Variants in TIPIN observed in about 807,000 individuals in gnomAD.
TIPIN encodes the protein TIMELESS interacting protein, also known as TIMELESS-interacting protein.
In TIPIN, 29 loss-of-function variants were observed where a neutral mutation model predicts 35.6. The ratio of observed to expected loss-of-function variants is 0.82; its 90% confidence interval spans 0.61 to 1.11. TIPIN has a LOEUF of 1.11. TIPIN is among the 50% of genes most tolerant of loss of function. The pLI is 0.00. For synonymous variants in TIPIN, 102 were observed against 121.5 expected, an observed-to-expected ratio of 0.84 and a Z score of 1.06; for missense variants, 296 against 345.4, an observed-to-expected ratio of 0.86 and a Z score of 1.13.
At chr15:66,374,787 GC>G (rs1466870685) in intron 1 of TIPIN, among the ~76,000 whole-genome samples, 1 of 152,080 alleles carries the variant, frequency 6.6e-6, no homozygotes, top group African/African-American at 2.4e-5. Context: ...TCACCATATT[GC>G]CCAGGCTGGT....
intron 7 of TIPIN, among the ~76,000 whole-genome samples, chr15:66,338,991 C>T (rs989727035): frequency 6.7e-6 from 1 of 150,236 alleles, no homozygotes; most frequent in Non-Finnish European, 1.5e-5. Context: ...ATTAGCCAGG[C>T]ATGGGGGCAC....
chr15:66,378,187 G>C (rs1422800180), intron 1 of TIPIN, among the ~76,000 whole-genome samples: 2 of 152,172 alleles, frequency 1.3e-5, no homozygotes, highest in Non-Finnish European at 2.9e-5. Context: ...ATTTTTAGTA[G>C]AGACAGGGTT....
At chr15:66,356,714 T>C (rs2093206565), upstream of TIPIN, 1 of 985,406 alleles carries the variant, frequency 1.0e-6, no homozygotes, top group Non-Finnish European at 1.2e-6. Context: ...ACTCGGGAAC[T>C]CCTGGGGCGA....
At chr15:66,374,609 C>T (rs182316531) in intron 1 of TIPIN, among the ~76,000 whole-genome samples, 25 of 151,634 alleles carry the variant, frequency 1.6e-4, no homozygotes, top group South Asian at 4.2e-4. Context: ...GATGGAGTTT[C>T]GTTCTTGTTG....
At chr15:66,371,459 T>TG in intron 1 of TIPIN, 1 of 879,364 alleles carries the variant, frequency 1.1e-6, no homozygotes, top group South Asian at 5.2e-5. Context: ...CTTTATTTTC[T>TG]GGGAAAAAAA....
At position 66,352,164 on chromosome 15, in the gene TIPIN, T is replaced by G. The variant is rs137903222; in HGVS notation, c.177A>C (p.Thr59=). The change falls in exon 3 of 8, where the codon ACA becomes ACC. Residue 59 remains threonine (T), a synonymous_variant. Transcript: ENST00000261881. ...CCAGCTTGGGTATATTTCTTTTAACTGTTCTCTTTGGAGGTACACGAACAG... is the reference window on the plus strand; with the variant it reads ...CCAGCTTGGGTATATTTCTTTTAACGGTTCTCTTTGGAGGTACACGAACAG... ...GAPVRVPPKR[T]VKRNIPKLDA... The G allele has an allele frequency of 3.2e-3, 5,159 of 1,611,030 alleles. 6 individuals are homozygous for G. Among genetic ancestry groups the G allele is most frequent in the Non-Finnish European group, 3.8e-3 (4,505 of 1,178,464 alleles).
upstream of TIPIN, among the ~76,000 whole-genome samples, chr15:66,361,024 C>T (rs1034660472): frequency 2.8e-5 from 4 of 143,792 alleles, no homozygotes; most frequent in Non-Finnish European, 6.0e-5. Context: ...CCTATCTACT[C>T]GGAAGGCTGA....
chr15:66,347,951 G>A (rs1317334584), intron 6 of TIPIN, among the ~76,000 whole-genome samples: 1 of 151,330 alleles, frequency 6.6e-6, no homozygotes, highest in Non-Finnish European at 1.5e-5. Context: ...TACACAATAT[G>A]GACTAAGGAT....
In TIPIN at chr15:66,379,789, C is replaced by A. The variant is rs1326752902; in HGVS notation, c.-9+6818G>T. 11 of 1,601,554 alleles carry A rather than the reference C, an allele frequency of 6.9e-6. No individual in the cohort carries two copies. In the Admixed American group the frequency reaches 1.0e-4, roughly 15 times the overall value. Reference sequence around the variant, plus strand: ...TTCTTTCCAAGAAGACTGAGTTCTACATTGATGTGATTGAAGTCCCTCCGC... The same window carrying A: ...TTCTTTCCAAGAAGACTGAGTTCTAAATTGATGTGATTGAAGTCCCTCCGC... On this transcript the variant is annotated intron_variant, in intron 1 of 7. Coordinates refer to the TIPIN transcript ENST00000562124.
At chr15:66,386,540 A>G (rs1163977450) in intron 1 of TIPIN, 1 of 155,182 alleles carries the variant, frequency 6.4e-6, no homozygotes, top group Middle Eastern at 2.9e-3. Flanking sequence ...TTCCTTATTT[A>G]TTTTGTTATT....
intron 1 of TIPIN, among the ~76,000 whole-genome samples, chr15:66,370,387 A>G (rs1034570228): frequency 6.6e-6 from 1 of 152,136 alleles, no homozygotes; most frequent in Non-Finnish European, 1.5e-5. Flanking sequence ...AGACCATTAA[A>G]AGTGGCTCTC....
intron 1 of TIPIN, among the ~76,000 whole-genome samples, chr15:66,369,592 C>T (rs1302395799): frequency 1.3e-5 from 2 of 152,168 alleles, no homozygotes; most frequent in Non-Finnish European, 2.9e-5. Context: ...TCGTGATCCA[C>T]CCGCCTCAGC....
chr15:66,369,309 A>G (rs2093269097), intron 1 of TIPIN, among the ~76,000 whole-genome samples: 1 of 151,850 alleles, frequency 6.6e-6, no homozygotes, highest in Non-Finnish European at 1.5e-5. Flanking sequence ...ATATAAATAA[A>G]GTACAAAATG....
chr15:66,385,357 C>T (rs2093333259), intron 1 of TIPIN, among the ~76,000 whole-genome samples: 1 of 152,150 alleles, frequency 6.6e-6, no homozygotes, highest in South Asian at 2.1e-4. Flanking sequence ...GTCTTTGACA[C>T]TTAGTATTTT....
chr15:66,343,454 T>C (rs1037146529), intron 6 of TIPIN, among the ~76,000 whole-genome samples: 2 of 152,276 alleles, frequency 1.3e-5, no homozygotes, highest in Admixed American at 6.6e-5. Flanking sequence ...TAAAAAAACA[T>C]TTAAAACATA....
At chr15:66,376,719 G>A (rs1314347084) in intron 1 of TIPIN, among the ~76,000 whole-genome samples, 2 of 151,392 alleles carry the variant, frequency 1.3e-5, no homozygotes, top group African/African-American at 2.4e-5. Flanking sequence ...ATGAGCCACC[G>A]TGCCCAGCCC....
chr15:66,375,300 T>A (rs1368158551), intron 1 of TIPIN, among the ~76,000 whole-genome samples: 2 of 151,760 alleles, frequency 1.3e-5, no homozygotes, highest in Non-Finnish European at 2.9e-5. Context: ...TTAAAAAATA[T>A]ATTCATTGCA....
chr15:66,375,698 A>G, intron 1 of TIPIN, among the ~76,000 whole-genome samples: 1 of 150,636 alleles, frequency 6.6e-6, no homozygotes, highest in Non-Finnish European at 1.5e-5. Context: ...CTGCAAAATG[A>G]AAAGGAAACT....
chr15:66,371,384 C>T, intron 1 of TIPIN: 1 of 984,410 alleles, frequency 1.0e-6, no homozygotes, highest in Non-Finnish European at 1.2e-6. Flanking sequence ...TGAGAAAGGC[C>T]TATATCATTT....
Sources: allele counts gnomAD v4.1 joint callset (sites outside exome capture counted in the v4.1 genomes callset), GRCh38; gene constraint gnomAD v4.1.1; transcripts MANE v1.5; gene names NCBI Gene and HGNC (gene_info 2026-07-23, HGNC 2026-07-21).